The following WDR7 variants were observed in gnomAD, a reference collection of about 807,000 sequenced individuals.
WDR7 encodes the protein WD repeat domain 7, also known as WD repeat-containing protein 7.
Under a neutral mutation model 169.4 loss-of-function variants are expected in WDR7, and 46 were observed. The observed-to-expected ratio is 0.27, with a 90% CI of 0.21 to 0.35. The LOEUF (loss-of-function observed/expected upper bound fraction) is 0.35. WDR7 is among the 10% of genes least tolerant of loss of function. The probability of loss-of-function intolerance (pLI) is 1.00; values close to 1 mark genes in which losing one functional copy is unlikely to be tolerated. For synonymous variants in WDR7, 612 were observed against 666.8 expected (o/e 0.92, Z 1.27); for missense variants, 1,534 against 1,859.3 (o/e 0.83, Z 3.22).
chr18:56,773,760 T>C (rs1433505525), intron 16 of WDR7, among the ~76,000 whole-genome samples: 2 of 152,116 alleles, frequency 1.3e-5, no homozygotes, highest in African/African-American at 4.8e-5. Flanking sequence ...AAAAGAAAAC[T>C]TATAAAAAGC....
At chr18:57,000,200 A>T (rs2047955830) in intron 26 of WDR7, among the ~76,000 whole-genome samples, 1 of 152,188 alleles carries the variant, frequency 6.6e-6, no homozygotes, top group Non-Finnish European at 1.5e-5. Context: ...AAAGAGATTT[A>T]TTAGTATTTG....
intron 4 of WDR7, among the ~76,000 whole-genome samples, chr18:56,681,946 C>T (rs966835727): frequency 1.1e-4 from 16 of 152,058 alleles, no homozygotes; most frequent in South Asian, 2.1e-4. Context: ...TTTTTCATAG[C>T]TGTCTAATTC....
At chr18:56,756,233 A>T (rs1241924519) in intron 14 of WDR7, among the ~76,000 whole-genome samples, 1 of 152,224 alleles carries the variant, frequency 6.6e-6, no homozygotes, top group Non-Finnish European at 1.5e-5. Flanking sequence ...CAGGTGGAAC[A>T]GTAGTTTATT....
chr18:56,686,284 A>G (rs2025442355), intron 6 of WDR7, among the ~76,000 whole-genome samples: 1 of 152,172 alleles, frequency 6.6e-6, no homozygotes, highest in African/African-American at 2.4e-5. Context: ...GGATATGTAG[A>G]GGAGAAACGT....
At chr18:56,658,198 G>A (rs112364989) in intron 1 of WDR7, among the ~76,000 whole-genome samples, 336 of 152,088 alleles carry the variant, frequency 2.2e-3, no homozygotes, top group African/African-American at 7.4e-3. Context: ...CTGCCTCCCC[G>A]GTTCAAGCAA....
At position 56,661,940 on chromosome 18, in the gene WDR7, A is replaced by T. The variant is rs1394689949; in HGVS notation, c.-20+10364A>T. 2.0e-5 allele frequency among the ~76,000 whole-genome samples: 3 copies of T among 152,180 alleles called. No individual in the cohort carries two copies. In the East Asian group the frequency reaches 5.8e-4, roughly 29 times the overall value. On this transcript the variant is annotated intron_variant, in intron 1 of 27. Transcript: ENST00000254442. ...CATGTCCTCATCACATCATACTGTG[A>T]TCTTGACTTGGGTACACTCTTTTGA...
intron 20 of WDR7, among the ~76,000 whole-genome samples, chr18:56,821,176 G>T (rs149769190): frequency 6.6e-6 from 1 of 152,008 alleles, no homozygotes; most frequent in East Asian, 1.9e-4. Context: ...CAGACAATAA[G>T]AAGAAGAAGA....
chr18:56,805,666 T>A (rs528757977), intron 19 of WDR7, among the ~76,000 whole-genome samples: 51 of 152,134 alleles, frequency 3.4e-4, no homozygotes, highest in Admixed American at 1.9e-3. Context: ...TTTTTTTTTT[T>A]ACTTATCCCC....
At chr18:56,890,574 T>C (rs971114360) in intron 21 of WDR7, among the ~76,000 whole-genome samples, 6 of 152,162 alleles carry the variant, frequency 3.9e-5, no homozygotes, top group African/African-American at 1.4e-4. Flanking sequence ...TTTGCAAAGA[T>C]AAGCAATAGC....
chr18:57,017,803 AC>A (rs1220400622), intron 26 of WDR7, among the ~76,000 whole-genome samples: 1 of 152,230 alleles, frequency 6.6e-6, no homozygotes, highest in Non-Finnish European at 1.5e-5. Context: ...TTCCCAGCAG[AC>A]AATTCAGGCT....
chr18:56,772,266 C>A (rs541577153), intron 16 of WDR7, among the ~76,000 whole-genome samples: 10 of 151,990 alleles, frequency 6.6e-5, no homozygotes, highest in African/African-American at 2.4e-4. Context: ...AAGAAGTAAA[C>A]CAAGGAAAAA....
intron 26 of WDR7, among the ~76,000 whole-genome samples, chr18:57,013,638 T>C (rs921798677): frequency 2.0e-5 from 3 of 152,242 alleles, no homozygotes; most frequent in Non-Finnish European, 2.9e-5. Flanking sequence ...TGGGAGTACA[T>C]GTTTAATGAA....
At chr18:56,980,731 A>G (rs2047632083) in intron 26 of WDR7, among the ~76,000 whole-genome samples, 1 of 152,184 alleles carries the variant, frequency 6.6e-6, no homozygotes, top group Non-Finnish European at 1.5e-5. Flanking sequence ...GGTTATGGAG[A>G]CATCAAGTGG....
intron 20 of WDR7, among the ~76,000 whole-genome samples, chr18:56,837,221 T>G (rs2045409896): frequency 6.6e-6 from 1 of 152,232 alleles, no homozygotes; most frequent in South Asian, 2.1e-4. Flanking sequence ...ACTATTCAGA[T>G]AAAGCTTTTT....
chr18:56,756,505 ATTAT>A (rs1175106923), intron 14 of WDR7, 74 bp from the exon 15 acceptor site: 1 of 1,231,614 alleles, frequency 8.1e-7, no homozygotes, highest in Non-Finnish European at 1.1e-6. Context: ...AATTCCTCTG[ATTAT>A]TTATTGTTTA....
At chr18:57,010,955 T>G (rs191248371) in intron 26 of WDR7, among the ~76,000 whole-genome samples, 38 of 152,336 alleles carry the variant, frequency 2.5e-4, no homozygotes, top group African/African-American at 8.9e-4. Context: ...TTAAGTTTGG[T>G]AAGCAACGAT....
rs575755761 is a variant in WDR7, at chr18:56,826,793, A to G, written c.3304+10649A>G. On this transcript the variant is annotated intron_variant, in intron 20 of 27. Coordinates refer to ENST00000254442, the MANE Select transcript of WDR7 (RefSeq NM_015285.3). ...CTTTGTTTACCCTTTCTGTAAATGT[A>G]TTTTTTCAGTGTGGTTAGTACCACT... 1.1e-4 allele frequency among the ~76,000 whole-genome samples: 17 copies of G among 152,282 alleles called. No individual in the cohort carries two copies. In the South Asian group the frequency reaches 1.2e-3, roughly 11 times the overall value.
At chr18:56,965,769 G>A (rs1364143225) in intron 26 of WDR7, among the ~76,000 whole-genome samples, 2 of 151,980 alleles carry the variant, frequency 1.3e-5, no homozygotes, top group African/African-American at 4.8e-5. Context: ...AATAATTGAG[G>A]AGGAAGAGTC....
chr18:56,725,836 G>T (rs1459232037), intron 13 of WDR7, among the ~76,000 whole-genome samples: 2 of 152,112 alleles, frequency 1.3e-5, no homozygotes. Context: ...TTTGTATAAG[G>T]TATAAGGAAG....
Sources: allele counts gnomAD v4.1 joint callset (sites outside exome capture counted in the v4.1 genomes callset), GRCh38; gene constraint gnomAD v4.1.1; transcripts MANE v1.5; gene names NCBI Gene and HGNC (gene_info 2026-07-23, HGNC 2026-07-21).